The following RFX6 variants were observed in gnomAD, a reference collection of about 807,000 sequenced individuals.
RFX6 encodes the protein regulatory factor X6, also known as DNA-binding protein RFX6.
In RFX6, 50 loss-of-function variants were observed where a neutral mutation model predicts 110.8. The observed-to-expected ratio is 0.45, with a 90% CI of 0.36 to 0.57. The LOEUF (loss-of-function observed/expected upper bound fraction) is 0.57, where lower values mean the gene tolerates loss of function less well. RFX6 is among the 20% of genes least tolerant of loss of function. RFX6 has a pLI of 0.00. For missense variants in RFX6, 990 were observed against 1,127.0 expected, an observed-to-expected ratio of 0.88 and a Z score of 1.74; for synonymous variants, 383 against 411.2, an observed-to-expected ratio of 0.93 and a Z score of 0.83.
chr6:116,889,297 A>C (rs1424352571), intron 4 of RFX6, among the ~76,000 whole-genome samples: 1 of 152,200 alleles, frequency 6.6e-6, no homozygotes, highest in Admixed American at 6.5e-5. Flanking sequence ...CTAGAAGAAC[A>C]CATTGATTTA....
At position 116,920,545 on chromosome 6, in the gene RFX6, A is replaced by G. The variant is rs1389058321; in HGVS notation, c.1327+91A>G. The G allele has an allele frequency of 6.7e-6, 7 of 1,052,262 alleles. No homozygotes were observed. In the Admixed American group the frequency reaches 6.8e-5, roughly 10 times the overall value. 65.2% of individuals were successfully genotyped at this position (1,052,262 alleles called of 1,614,324 possible). ...GTAACTCTGTTGGAGGAGCCTGTCC[A>G]GTGTGCTGTAGGATGTTTAGCAGCA... On this transcript the variant is annotated intron_variant, in intron 12 of 18. Coordinates refer to ENST00000332958, the MANE Select transcript of RFX6 (RefSeq NM_173560.4).
Position 116,894,054 on chromosome 6 carries a change from G to A in RFX6, c.634G>A (p.Gly212Ser). The A allele has an allele frequency of 6.4e-7, 1 of 1,573,410 alleles. No homozygotes were observed. The highest frequency in any genetic ancestry group is 8.7e-7 in the Non-Finnish European group (1 of 1,143,144). The change falls in exon 5 of 19, where the codon GGC becomes AGC. Residue 212 changes from glycine (G) to serine (S), a missense_variant. Around this residue, in one of 5 missense-constraint regions of RFX6, gnomAD observed 243 missense variants for 353.1 expected, o/e 0.69. Transcript: ENST00000332958. Reference protein sequence around the residue: ...AYYHSVYSGKGLTRFSGSKLK... With the variant: ...AYYHSVYSGKSLTRFSGSKLK... Reference sequence around the variant, plus strand: ...TTACCACTCCGTTTATTCTGGAAAGGGCTTGACAAGGTAGAGTTACACCAT... The same window carrying A: ...TTACCACTCCGTTTATTCTGGAAAGAGCTTGACAAGGTAGAGTTACACCAT...
At chr6:116,905,520 C>T (rs1037304803) in intron 6 of RFX6, among the ~76,000 whole-genome samples, 1 of 151,666 alleles carries the variant, frequency 6.6e-6, no homozygotes, top group Non-Finnish European at 1.5e-5. Context: ...GTGTCATGTA[C>T]AGTTATATGC....
At chr6:116,889,145 C>A (rs1211329636) in intron 4 of RFX6, among the ~76,000 whole-genome samples, 1 of 152,138 alleles carries the variant, frequency 6.6e-6, no homozygotes, top group African/African-American at 2.4e-5. Context: ...ACACCAATTT[C>A]ATGCCCTTTA....
chr6:116,895,030 A>G (rs992066397), intron 5 of RFX6, 150 bp from the exon 6 acceptor site: 1 of 536,618 alleles, frequency 1.9e-6, no homozygotes, highest in Non-Finnish European at 3.4e-6. Context: ...GTTGAGAAAG[A>G]TGCTTGATTT....
At chr6:116,927,743 CTTTTT>C (rs60638457) in intron 17 of RFX6, among the ~76,000 whole-genome samples, 1 of 119,550 alleles carries the variant, frequency 8.4e-6, no homozygotes, top group Non-Finnish European at 1.7e-5. Flanking sequence ...GCCCTTCTTC[CTTTTT>C]TTTTTTTTTT....
At chr6:116,913,762 T>A (rs937267314) in intron 7 of RFX6, among the ~76,000 whole-genome samples, 1 of 152,200 alleles carries the variant, frequency 6.6e-6, no homozygotes, top group African/African-American at 2.4e-5. Context: ...TACTTGTACT[T>A]TAATAGGTTT....
intron 4 of RFX6, among the ~76,000 whole-genome samples, chr6:116,887,306 T>C (rs1422362064): frequency 2.0e-5 from 3 of 152,078 alleles, no homozygotes; most frequent in African/African-American, 7.2e-5. Flanking sequence ...CTAGGGCACC[T>C]AACAAGTGTG....
intron 4 of RFX6, among the ~76,000 whole-genome samples, chr6:116,885,238 C>T (rs879613433): frequency 6.6e-6 from 1 of 152,158 alleles, no homozygotes; most frequent in Non-Finnish European, 1.5e-5. Flanking sequence ...TAAGGTTATT[C>T]AGCTTTTCAC....
rs373562447 is a variant in RFX6, at chr6:116,928,961, T to C, written c.2601T>C (p.Thr867=). The C allele has an allele frequency of 5.0e-6, 8 of 1,602,252 alleles. No homozygotes were observed. Among genetic ancestry groups the C allele is most frequent in the African/African-American group, 1.3e-5 (1 of 74,806 alleles). Residue 867 remains threonine (T), a synonymous_variant, in exon 18 of 19, where the codon ACT becomes ACC. Transcript: ENST00000332958. ...CATCATCTCCAGTTGCATGTCGAACTCCAGTCCTAGGTAAATTATTTTAGC... is the reference window on the plus strand; with the variant it reads ...CATCATCTCCAGTTGCATGTCGAACCCCAGTCCTAGGTAAATTATTTTAGC... ...TDTSSPVACR[T]PVLASSLQTP...
chr6:116,914,779 A>C (rs1178087325), intron 7 of RFX6, among the ~76,000 whole-genome samples: 1 of 152,218 alleles, frequency 6.6e-6, no homozygotes, highest in African/African-American at 2.4e-5. Context: ...TGCTATTGGA[A>C]TCAAAATAGC....
At chr6:116,927,569 T>A in intron 17 of RFX6, 30 bp downstream of exon 17, 1 of 1,597,144 alleles carries the variant, frequency 6.3e-7, no homozygotes, top group Non-Finnish European at 8.5e-7. Context: ...TTTTTCTTGG[T>A]TTTTGAGATG....
At chr6:116,896,154 G>A (rs1774940507) in intron 6 of RFX6, among the ~76,000 whole-genome samples, 1 of 152,152 alleles carries the variant, frequency 6.6e-6, no homozygotes, top group South Asian at 2.1e-4. Flanking sequence ...GGGAATTTAC[G>A]TTATTTCTCT....
intron 3 of RFX6, among the ~76,000 whole-genome samples, chr6:116,881,654 ACTT>A (rs1774592160): frequency 6.6e-6 from 1 of 152,046 alleles, no homozygotes; most frequent in African/African-American, 2.4e-5. Context: ...GGATAAGACA[ACTT>A]CTAATATCCA....
chr6:116,895,229 A>G, intron 6 of RFX6, 22 bp downstream of exon 6: 2 of 1,320,758 alleles, frequency 1.5e-6, no homozygotes, highest in South Asian at 1.2e-5. Flanking sequence ...TTTCATCTCT[A>G]TTTTACATCT....
intron 12 of RFX6, among the ~76,000 whole-genome samples, chr6:116,921,037 G>A (rs1251838092): frequency 6.6e-6 from 1 of 152,098 alleles, no homozygotes; most frequent in East Asian, 1.9e-4. Context: ...AGCTTACCAA[G>A]CCAATATGCA....
intron 13 of RFX6, among the ~76,000 whole-genome samples, chr6:116,922,548 C>A (rs1775625168): frequency 1.3e-5 from 2 of 152,144 alleles, no homozygotes; most frequent in Non-Finnish European, 2.9e-5. Flanking sequence ...TTTCTGAATT[C>A]CAAAAGCTCA....
At chr6:116,903,916 T>C (rs538632119) in intron 6 of RFX6, among the ~76,000 whole-genome samples, 2 of 152,018 alleles carry the variant, frequency 1.3e-5, no homozygotes, top group South Asian at 2.1e-4. Flanking sequence ...TAGACATCTA[T>C]AGGAGTTGAA....
chr6:116,920,851 A>T (rs1249821454), intron 12 of RFX6, among the ~76,000 whole-genome samples: 1 of 152,226 alleles, frequency 6.6e-6, no homozygotes, highest in Non-Finnish European at 1.5e-5. Context: ...TCTGAAAATA[A>T]TCAAATTGTT....
Sources: gnomAD v4.1 joint callset for allele counts (sites outside exome capture counted in the v4.1 genomes callset) on GRCh38, gnomAD v4.1.1 for gene constraint, gnomAD v4.1.1 regional missense constraint, MANE v1.5 for transcripts, NCBI Gene and HGNC (gene_info 2026-07-23, HGNC 2026-07-21) for gene names.